IRS4: variants seen among roughly 807,000 people sequenced by gnomAD.
The protein encoded by IRS4 is insulin receptor substrate 4.
A neutral mutation model predicts 48.6 loss-of-function variants in IRS4; 15 were observed. The observed-to-expected ratio is 0.31, with a 90% CI of 0.21 to 0.48. IRS4 has a LOEUF of 0.48. Among genes scored for constraint, IRS4 ranks in the 20% least tolerant of loss-of-function variants. The probability of loss-of-function intolerance (pLI) is 0.99; values close to 1 mark genes in which losing one functional copy is unlikely to be tolerated. For synonymous variants in IRS4, 459 were observed against 413.2 expected (o/e 1.11, Z -1.34); for missense variants, 987 against 1,023.4 (o/e 0.96, Z 0.49).
chrX:108,731,164 C>T (rs932254941), intron 1 of IRS4, among the ~76,000 whole-genome samples: 7 of 109,754 alleles, frequency 6.4e-5, no homozygotes, highest in Non-Finnish European at 1.3e-4. Context: ...TGTGTCCACG[C>T]TGCAAATGTG....
At chrX:108,729,849 T>A (rs964791928) in intron 1 of IRS4, among the ~76,000 whole-genome samples, 3 of 112,132 alleles carry the variant, frequency 2.7e-5, no homozygotes, top group African/African-American at 9.7e-5. Context: ...TAAATGCAAG[T>A]AAAGACTAAC....
intron 1 of IRS4, among the ~76,000 whole-genome samples, chrX:108,728,391 T>C (rs1223538005): frequency 8.9e-6 from 1 of 112,367 alleles, no homozygotes; most frequent in Non-Finnish European, 1.9e-5. Flanking sequence ...TTCCTAATCA[T>C]TAACCATGTA....
chrX:108,726,418 C>T (rs1390707085), intron 1 of IRS4: 2 of 111,539 alleles, frequency 1.8e-5, no homozygotes, highest in African/African-American at 3.3e-5. Flanking sequence ...GGGTGACAGC[C>T]GAAGGGAAAC....
chrX:108,729,619 AAT>A (rs1362151645), intron 1 of IRS4, among the ~76,000 whole-genome samples: 1 of 112,454 alleles, frequency 8.9e-6, no homozygotes, highest in African/African-American at 3.2e-5. Context: ...TTCATTTATT[AAT>A]ACAGTCATGT....
At chrX:108,724,825 A>G (rs2068867709) in intron 1 of IRS4, 1 of 111,492 alleles carries the variant, frequency 9.0e-6, no homozygotes, top group African/African-American at 3.3e-5. Context: ...ACCTTATTGT[A>G]TATTCTTATT....
rs747063045 is a variant in IRS4 at position 108,733,492 on chromosome X, G to C, written c.2853C>G (p.Pro951=). ...CATAATTAGAAAAGGCTGACTGTCT[G>C]GGTTCAGCAATTATGCCCCACGAAT... is the stretch of plus-strand genomic sequence containing the variant. ...LPDSWGIIAE[P]RQSAFSNYVN... Residue 951 remains proline (P), a synonymous_variant, in exon 1 of 2, where the codon CCC becomes CCG. Transcript: ENST00000372129. The C allele has an allele frequency of 7.4e-6, 9 of 1,211,793 alleles. No individual in the cohort carries two copies. In the South Asian group the frequency reaches 1.2e-4, roughly 17 times the overall value.
intron 1 of IRS4, among the ~76,000 whole-genome samples, chrX:108,730,547 A>T (rs1221114193): frequency 8.9e-6 from 1 of 111,732 alleles, no homozygotes; most frequent in Non-Finnish European, 1.9e-5. Flanking sequence ...CTCTTATTTC[A>T]ACCTAAGCGC....
rs768665982 is a variant in IRS4 at position 108,735,076 on chromosome X, C to T, written c.1269G>A (p.Arg423=). ...RLHLPRGRRS[R]RAVSVPASFF... ...AGCTGGCCGGCACTGAAACCGCTCT[C>T]CTTGACCTGCGCCCTCTGGGCAGGT... The change falls in exon 1 of 2, where the codon AGG becomes AGA. Residue 423 remains arginine (R), a synonymous_variant. Coordinates refer to ENST00000372129, the MANE Select transcript of IRS4 (RefSeq NM_001379150.1). 8.3e-6 allele frequency: 10 copies of T among 1,211,857 alleles called. No individual in the cohort carries two copies. In the Admixed American group the frequency reaches 2.2e-4, roughly 26 times the overall value.
chrX:108,725,460 C>CAAAAAAAAAAAAAA (rs397968164), intron 1 of IRS4, among the ~76,000 whole-genome samples: 1 of 59,851 alleles, frequency 1.7e-5, no homozygotes, highest in African/African-American at 7.3e-5. Context: ...AGTAAAGCAC[C>CAAAAAAAAAAAAAA]AAAAAAAAAA....
rs779993930 is a variant in IRS4, at chrX:108,732,693, G to C, written c.3652C>G (p.Arg1218Gly). ...AAAAAPEPPP[R>G]SRRVPRPPER... is the part of the protein sequence containing the mutation. ...GGGGGTCTTGGCACCCGGCGACTGCGAGGTGGTGGTTCCGGAGCGGCAGCT... is the reference window on the plus strand; with the variant it reads ...GGGGGTCTTGGCACCCGGCGACTGCCAGGTGGTGGTTCCGGAGCGGCAGCT... Residue 1218 changes from arginine (R) to glycine (G), a missense_variant, in exon 1 of 2, where the codon CGC (arginine) becomes GGC (glycine). Arg to Gly is a moderately radical substitution (Grantham distance 125). Transcript: ENST00000372129. 8.3e-6 allele frequency: 10 copies of C among 1,209,933 alleles called. No homozygotes were observed. The South Asian group carries it at 1.2e-4, about 15-fold the overall frequency.
At position 108,732,657 on chromosome X, in the gene IRS4, C is replaced by A. The variant is rs28546943; in HGVS notation, c.3688G>T (p.Asp1230Tyr). The change falls in exon 1 of 2, where the codon GAT (aspartate) becomes TAT (tyrosine). Residue 1230 changes from aspartate to tyrosine, a missense_variant. Coordinates refer to ENST00000372129, the MANE Select transcript of IRS4 (RefSeq NM_001379150.1). ...RRVPRPPERE[D>Y]SDNDDDTHVR... ...TGAGTGTCGTCGTCGTTGTCAGAAT[C>A]TTCTCTCTCCGGGGGTCTTGGCACC... 4.8e-3 allele frequency: 5,847 copies of A among 1,209,955 alleles called. 199 individuals are homozygous for A. In the African/African-American group the frequency reaches 0.09, roughly 19 times the overall value.
chrX:108,720,405 C>T lies in IRS4; in HGVS notation c.*2114G>A, dbSNP rs1303415560. ...CTAATAAATAATGAGAACAAGATTG[C>T]ATTTGTTATGCAGTACCTGTGACTA... On this transcript the variant is annotated 3_prime_UTR_variant, in exon 2 of 2. Coordinates refer to ENST00000372129, the MANE Select transcript of IRS4 (RefSeq NM_001379150.1). 1 of 111,839 alleles carries T rather than the reference C, an allele frequency of 8.9e-6. No homozygotes were observed. Among genetic ancestry groups the T allele is most frequent in the African/African-American group, 3.3e-5 (1 of 30,767 alleles). The allele number at this position is 111,839 out of a possible 1,213,427, so 9.2% of individuals were successfully genotyped here.
intron 1 of IRS4, chrX:108,723,891 A>T (rs1426270406): frequency 2.7e-5 from 3 of 112,731 alleles, no homozygotes; most frequent in Non-Finnish European, 5.6e-5. Flanking sequence ...GTGAGACTGC[A>T]TATTAGTAAC....
chrX:108,722,380 T>C lies in IRS4; in HGVS notation c.*139A>G. ...GATCATTCAATTGCCAGAGTCCACT[T>C]GTAGGCTTGTAGAAATTTGGGTTGC... On this transcript the variant is annotated 3_prime_UTR_variant, in exon 2 of 2. Transcript: ENST00000372129. The C allele has an allele frequency of 4.0e-6, 1 of 251,380 alleles. No homozygotes were observed. The highest frequency in any genetic ancestry group is 4.3e-5 in the South Asian group (1 of 23,328). The allele number at this position is 251,380 out of a possible 1,213,427, so 20.7% of individuals were successfully genotyped here. A position where few individuals can be genotyped will look rare whatever the true frequency, so the allele number is the denominator to read the frequency against.
chrX:108,734,829 C>G lies in IRS4; in HGVS notation c.1516G>C (p.Gly506Arg). Residue 506 changes from glycine (G) to arginine (R), a missense_variant, in exon 1 of 2, where the codon GGC becomes CGC. Transcript: ENST00000372129. The part of the protein sequence containing the change: ...GNGRGSGGGQ[G>R]SNGQGSSSHS... The stretch of plus-strand genomic sequence containing the variant: ...CTACTGGAGCCTTGGCCATTTGAGC[C>G]CTGGCCACCTCCTGAGCCCCGGCCA... The G allele has an allele frequency of 1.7e-6, 2 of 1,211,742 alleles. No homozygotes were observed. Among genetic ancestry groups the G allele is most frequent in the South Asian group, 1.8e-5 (1 of 57,001 alleles).
At position 108,734,979 on chromosome X, in the gene IRS4, G is replaced by A; in HGVS notation, c.1366C>T (p.Leu456=). The change falls in exon 1 of 2, where the codon CTG becomes TTG. Residue 456 remains leucine (L), a synonymous_variant. Transcript: ENST00000372129. ...PAEAPNNGAR[L]SSEVSGSGSG... is the part of the protein sequence containing the mutation. ...CCAGAACCAGACACTTCAGAAGACAGGCGAGCTCCATTGTTCGGGGCTTCT... is the reference window on the plus strand; with the variant it reads ...CCAGAACCAGACACTTCAGAAGACAAGCGAGCTCCATTGTTCGGGGCTTCT... 8.3e-7 allele frequency: 1 copy of A among 1,212,098 alleles called. No individual in the cohort carries two copies. Among genetic ancestry groups the A allele is most frequent in the South Asian group, 1.8e-5 (1 of 57,009 alleles).
chrX:108,731,049 G>A (rs1321833954), intron 1 of IRS4, among the ~76,000 whole-genome samples: 1 of 111,284 alleles, frequency 9.0e-6, no homozygotes, highest in Non-Finnish European at 1.9e-5. Flanking sequence ...GTGTGTGTGT[G>A]TATGTGTGTG....
chrX:108,734,043 C>G lies in IRS4; in HGVS notation c.2302G>C (p.Asp768His). ...TCACTGTCATTGTCCTTTGAGTCAT[C>G]CTCTTTATTAGTATCAGGTGCTTTT... ...PPKAPDTNKEDDSKDNDSESD... is the reference protein window; with the variant it reads ...PPKAPDTNKEHDSKDNDSESD... Residue 768 changes from aspartate (D) to histidine (H), a missense_variant, in exon 1 of 2, where the codon GAT (aspartate) becomes CAT (histidine). Asp to His is a moderately conservative substitution (Grantham distance 81). Around this residue, in one of 4 missense-constraint regions of IRS4, gnomAD observed 720 missense variants for 660.3 expected, o/e 1.09. Transcript: ENST00000372129. 8.3e-7 allele frequency: 1 copy of G among 1,211,536 alleles called. No homozygotes were observed. Among genetic ancestry groups the G allele is most frequent in the African/African-American group, 1.7e-5 (1 of 57,687 alleles).
Position 108,732,694 on chromosome X carries a change from AGGT to A in IRS4, c.3648_3650del (p.Pro1217del). The A allele has an allele frequency of 8.3e-7, 1 of 1,211,636 alleles. No individual in the cohort carries two copies. Among genetic ancestry groups the A allele is most frequent in the Non-Finnish European group, 1.1e-6 (1 of 895,387 alleles). ...GGGGTCTTGGCACCCGGCGACTGCG[AGGT>A]GGTGGTTCCGGAGCGGCAGCTGCAG... is the stretch of plus-strand genomic sequence containing the variant. On this transcript the variant is annotated inframe_deletion, in exon 1 of 2. Transcript: ENST00000372129.
Sources: gnomAD v4.1 joint callset for allele counts (sites outside exome capture counted in the v4.1 genomes callset) on GRCh38, gnomAD v4.1.1 for gene constraint, gnomAD v4.1.1 regional missense constraint, MANE v1.5 for transcripts, NCBI Gene and HGNC (gene_info 2026-07-23, HGNC 2026-07-21) for gene names.